MACROD2: variants seen among roughly 807,000 people sequenced by gnomAD.
MACROD2 encodes mono-ADP ribosylhydrolase 2, also known as ADP-ribose glycohydrolase MACROD2.
A neutral mutation model predicts 70.4 loss-of-function variants in MACROD2; 36 were observed. The ratio of observed to expected loss-of-function variants is 0.51; its 90% CI spans 0.39 to 0.68. MACROD2 has a LOEUF of 0.68. Ranked by LOEUF, MACROD2 falls within the 30% of genes least tolerant of loss-of-function variation. MACROD2 has a pLI of 0.00. For missense variants in MACROD2, 496 were observed against 538.4 expected (o/e 0.92, Z 0.78); for synonymous variants, 172 against 178.8 (o/e 0.96, Z 0.30).
At chr20:14,531,476 T>C (rs1218864484) in intron 4 of MACROD2, among the ~76,000 whole-genome samples, 1 of 152,208 alleles carries the variant, frequency 6.6e-6, no homozygotes, top group African/African-American at 2.4e-5. Flanking sequence ...GATTCTTCCC[T>C]GTACCTTCTG....
At chr20:14,126,548 G>T (rs1367923693) in intron 3 of MACROD2, among the ~76,000 whole-genome samples, 5 of 152,128 alleles carry the variant, frequency 3.3e-5, no homozygotes, top group Admixed American at 2.0e-4. Context: ...TTAAAGGTTT[G>T]TGGTAACCCT....
intron 8 of MACROD2, among the ~76,000 whole-genome samples, chr20:15,729,526 T>C (rs1346505963): frequency 4.6e-5 from 7 of 152,302 alleles, no homozygotes; most frequent in African/African-American, 1.2e-4. Context: ...TCTACGTCTC[T>C]CCATAAGTCT....
At chr20:15,345,036 C>G (rs983882537) in intron 6 of MACROD2, among the ~76,000 whole-genome samples, 1 of 152,160 alleles carries the variant, frequency 6.6e-6, no homozygotes, top group Non-Finnish European at 1.5e-5. Context: ...AGACTGCTCT[C>G]TTGTATCATC....
chr20:15,885,670 C>T (rs2064812489), intron 9 of MACROD2, 94 bp from the exon 10 acceptor site: 3 of 1,194,372 alleles, frequency 2.5e-6, no homozygotes, highest in Non-Finnish European at 3.3e-6. Context: ...TCTGTTATCC[C>T]TTTCTTTGAT....
chr20:14,715,784 C>T lies in MACROD2; in HGVS notation c.418+30825C>T, dbSNP rs575038121. Among the ~76,000 whole-genome samples, 143 of 152,206 alleles carry T rather than the reference C, an allele frequency of 9.4e-4. 1 individual carries two copies. The highest frequency in any genetic ancestry group is 3.3e-3 in the African/African-American group (138 of 41,536). ...GGTTGATTGTAGTTTTTAAGTTAAA[C>T]ATCAACAGGGGCTGAAAAGACCCTA... On this transcript the variant is annotated intron_variant, in intron 5 of 17. Transcript: ENST00000684519.
intron 4 of MACROD2, among the ~76,000 whole-genome samples, chr20:14,554,994 G>A (rs967480302): frequency 6.7e-6 from 1 of 149,758 alleles, no homozygotes; most frequent in African/African-American, 2.5e-5. Flanking sequence ...AGGGGGTAGG[G>A]ATGGTTAGTG....
intron 3 of MACROD2, among the ~76,000 whole-genome samples, chr20:14,458,137 A>T (rs2084325343): frequency 6.6e-6 from 1 of 152,078 alleles, no homozygotes; most frequent in South Asian, 2.1e-4. Context: ...ATAAAGACTT[A>T]CTAGTAATCA....
chr20:14,249,302 A>G lies in MACROD2; in HGVS notation c.271+163574A>G, dbSNP rs2081992084. On this transcript the variant is annotated intron_variant, in intron 3 of 17. Transcript: ENST00000684519. ...TATGTTTAAAATGTTGTCTCAGTATAATGCAAAAGCCAGAGTTAAGAGTGA... is the reference window on the plus strand; with the variant it reads ...TATGTTTAAAATGTTGTCTCAGTATGATGCAAAAGCCAGAGTTAAGAGTGA... Among the ~76,000 whole-genome samples the G allele has an allele frequency of 3.3e-5, 5 of 151,972 alleles. No homozygotes were observed. In the South Asian group the frequency reaches 1.0e-3, roughly 32 times the overall value.
intron 5 of MACROD2, among the ~76,000 whole-genome samples, chr20:14,693,023 A>C (rs547327088): frequency 3.3e-5 from 5 of 152,230 alleles, no homozygotes; most frequent in African/African-American, 1.2e-4. Context: ...ATTATTTGCC[A>C]TCATAGCAAG....
intron 8 of MACROD2, among the ~76,000 whole-genome samples, chr20:15,562,286 C>T (rs1199270255): frequency 6.6e-6 from 1 of 152,052 alleles, no homozygotes; most frequent in African/African-American, 2.4e-5. Context: ...GGAATCCTAA[C>T]CCTTTTGTGA....
chr20:14,846,085 CA>C (rs1444721971), intron 5 of MACROD2, among the ~76,000 whole-genome samples: 1 of 151,378 alleles, frequency 6.6e-6, no homozygotes, highest in African/African-American at 2.4e-5. Context: ...TTGATGTAGT[CA>C]AAAAAAGTAT....
At chr20:14,439,937 A>G (rs1316112699) in intron 3 of MACROD2, among the ~76,000 whole-genome samples, 1 of 152,114 alleles carries the variant, frequency 6.6e-6, no homozygotes, top group African/African-American at 2.4e-5. Flanking sequence ...TGAAAATGAG[A>G]CTTGGGCCAG....
intron 5 of MACROD2, among the ~76,000 whole-genome samples, chr20:15,114,634 T>A (rs2075979477): frequency 6.6e-6 from 1 of 152,206 alleles, no homozygotes; most frequent in Non-Finnish European, 1.5e-5. Flanking sequence ...AGACTTCTGA[T>A]CCATGGAAAC....
chr20:14,596,502 G>A (rs537784752), intron 4 of MACROD2, among the ~76,000 whole-genome samples: 124 of 150,926 alleles, frequency 8.2e-4, no homozygotes, highest in African/African-American at 2.8e-3. Context: ...TTTTTTGAAT[G>A]CATTTTTTTC....
chr20:14,186,648 T>C (rs2148735127), intron 3 of MACROD2, among the ~76,000 whole-genome samples: 1 of 152,168 alleles, frequency 6.6e-6, no homozygotes, highest in East Asian at 1.9e-4. Context: ...CATTCACTCA[T>C]ATGTTCATTG....
intron 1 of MACROD2, 137 bp from the exon 2 acceptor site, chr20:14,002,151 T>G (rs1453307649): frequency 2.3e-6 from 1 of 440,686 alleles, no homozygotes; most frequent in Non-Finnish European, 4.0e-6. Context: ...AAATATGGAG[T>G]CACTGGATTT....
At chr20:15,985,319 A>G (rs1313880629) in intron 13 of MACROD2, among the ~76,000 whole-genome samples, 1 of 152,194 alleles carries the variant, frequency 6.6e-6, no homozygotes, top group Non-Finnish European at 1.5e-5. Context: ...ATAGTAAGCC[A>G]AAATCACGAA....
chr20:14,098,411 C>T (rs959117628), intron 3 of MACROD2, among the ~76,000 whole-genome samples: 6 of 152,036 alleles, frequency 3.9e-5, no homozygotes, highest in Non-Finnish European at 5.9e-5. Flanking sequence ...TTTTAGTGTA[C>T]GTTAACAATG....
chr20:14,486,708 G>A (rs912740035), intron 3 of MACROD2, among the ~76,000 whole-genome samples: 7 of 151,524 alleles, frequency 4.6e-5, no homozygotes, highest in Non-Finnish European at 7.4e-5. Flanking sequence ...TAGTAGAGAC[G>A]GGGTTTCACC....
Sources: allele counts gnomAD v4.1 joint callset (sites outside exome capture counted in the v4.1 genomes callset), GRCh38; gene constraint gnomAD v4.1.1; transcripts MANE v1.5; gene names NCBI Gene and HGNC (gene_info 2026-07-23, HGNC 2026-07-21).